Variants in CNBD1 observed in about 807,000 individuals in gnomAD.
The protein encoded by CNBD1 is cyclic nucleotide-binding domain-containing protein 1.
Under a neutral mutation model 54.4 loss-of-function variants are expected in CNBD1, and 71 were observed. The observed-to-expected ratio is 1.30, with a 90% confidence interval of 1.08 to 1.59. The LOEUF is 1.59. Ranked by LOEUF, CNBD1 falls within the 40% of genes most tolerant of loss-of-function variation. CNBD1 has a pLI of 0.00. For missense variants in CNBD1, 659 were observed against 518.0 expected, an observed-to-expected ratio of 1.27 and a Z score of -2.64; for synonymous variants, 182 against 170.7, an observed-to-expected ratio of 1.07 and a Z score of -0.51.
intron 6 of CNBD1, among the ~76,000 whole-genome samples, chr8:87,262,736 A>T (rs1808168470): frequency 6.6e-6 from 1 of 152,174 alleles, no homozygotes; most frequent in African/African-American, 2.4e-5. Context: ...ATGAAAATTT[A>T]CCGCTTAGGC....
intron 4 of CNBD1, among the ~76,000 whole-genome samples, chr8:87,137,562 G>A (rs949239911): frequency 3.9e-5 from 6 of 152,068 alleles, no homozygotes; most frequent in African/African-American, 1.4e-4. Context: ...TTATGTTAGT[G>A]TTTCCATGGG....
At chr8:87,134,594 CTTTTTTTT>C (rs1167232265) in intron 4 of CNBD1, among the ~76,000 whole-genome samples, 1 of 86,964 alleles carries the variant, frequency 1.1e-5, no homozygotes, top group Non-Finnish European at 2.4e-5. Flanking sequence ...ATTAGATTAC[CTTTTTTTT>C]TTTTTTTTTT....
At chr8:87,239,142 A>T (rs1335577807) in intron 6 of CNBD1, among the ~76,000 whole-genome samples, 1 of 152,160 alleles carries the variant, frequency 6.6e-6, no homozygotes, top group Admixed American at 6.5e-5. Flanking sequence ...GTTTAATAAA[A>T]TTTTTTGAAA....
In CNBD1 at chr8:87,402,383, G is replaced by A. The variant is rs573533699; in HGVS notation, c.214-26163G>A. Reference sequence around the variant, plus strand: ...TTTTCACTCTCACAAAAGAGCAGTAGTGAGCAATCAACTTAAGAAACTGCC... The same window carrying A: ...TTTTCACTCTCACAAAAGAGCAGTAATGAGCAATCAACTTAAGAAACTGCC... On this transcript the variant is annotated intron_variant, in intron 2 of 7. Transcript: ENST00000521593. 3.9e-5 allele frequency among the ~76,000 whole-genome samples: 6 copies of A among 152,164 alleles called. No homozygotes were observed. The South Asian group carries it at 1.2e-3, about 32-fold the overall frequency.
chr8:86,983,161 C>T (rs1808525982), intron 4 of CNBD1, among the ~76,000 whole-genome samples: 1 of 152,048 alleles, frequency 6.6e-6, no homozygotes, highest in Non-Finnish European at 1.5e-5. Flanking sequence ...TGGGGGCAGG[C>T]TTTTCCTGTG....
intron 4 of CNBD1, among the ~76,000 whole-genome samples, chr8:86,940,248 C>T (rs750699592): frequency 6.7e-6 from 1 of 148,290 alleles, no homozygotes; most frequent in Non-Finnish European, 1.5e-5. Context: ...CTCACTGCAA[C>T]CTCCGCCTCC....
intron 8 of CNBD1, among the ~76,000 whole-genome samples, chr8:87,291,059 T>C (rs144585734): frequency 6.6e-6 from 1 of 152,158 alleles, no homozygotes; most frequent in Non-Finnish European, 1.5e-5. Flanking sequence ...AGTTTTAAAG[T>C]TTTTCTTGTT....
intron 6 of CNBD1, among the ~76,000 whole-genome samples, chr8:87,276,894 C>A (rs1808491909): frequency 6.6e-6 from 1 of 151,492 alleles, no homozygotes; most frequent in African/African-American, 2.4e-5. Flanking sequence ...CACCATGAAT[C>A]TGAGTTTAGT....
chr8:87,050,674 C>T (rs555070554), intron 4 of CNBD1, among the ~76,000 whole-genome samples: 25 of 152,266 alleles, frequency 1.6e-4, no homozygotes, highest in African/African-American at 2.4e-5. Context: ...ACATTTAGAT[C>T]CCTCAGATAC....
rs71275894 is a variant in CNBD1, at chr8:86,925,482, AGTGTGTGT to A, written c.273-14077_273-14070del. Among the ~76,000 whole-genome samples, 881 of 141,784 alleles carry A rather than the reference AGTGTGTGT, an allele frequency of 6.2e-3. 9 individuals carry two copies. Among genetic ancestry groups the A allele is most frequent in the African/African-American group, 0.012 (439 of 37,360 alleles). 93.0% of individuals were successfully genotyped at this position (141,784 alleles called of 152,430 possible). A position where few individuals can be genotyped will look rare whatever the true frequency, so the allele number is the denominator to read the frequency against. On this transcript the variant is annotated intron_variant, in intron 3 of 10. Transcript: ENST00000518476. The stretch of plus-strand genomic sequence containing the variant: ...TAAAATATATACGGGCTTACCAAAA[AGTGTGTGT>A]GTGTGTGTGTGTGTGTGTGTGTGTG...
chr8:87,186,133 C>T (rs183046169), intron 4 of CNBD1, among the ~76,000 whole-genome samples: 23 of 152,016 alleles, frequency 1.5e-4, no homozygotes, highest in African/African-American at 3.4e-4. Flanking sequence ...CAGAAACCTA[C>T]GCCAAAATGT....
At chr8:87,287,833 T>A (rs1452762302) in intron 8 of CNBD1, among the ~76,000 whole-genome samples, 1 of 152,150 alleles carries the variant, frequency 6.6e-6, no homozygotes, top group African/African-American at 2.4e-5. Flanking sequence ...CAAATTTCCT[T>A]CTACTGCTTG....
intron 2 of CNBD1, among the ~76,000 whole-genome samples, chr8:86,893,774 A>G (rs1291641821): frequency 6.6e-6 from 1 of 152,300 alleles, no homozygotes; most frequent in East Asian, 1.9e-4. Flanking sequence ...CCCAGTAATT[A>G]AAGTATGAAA....
chr8:86,993,937 T>C (rs1808811076), intron 4 of CNBD1, among the ~76,000 whole-genome samples: 1 of 152,210 alleles, frequency 6.6e-6, no homozygotes, highest in South Asian at 2.1e-4. Flanking sequence ...GCTGTACCTG[T>C]GCACTTCCTT....
At chr8:87,217,968 G>C (rs1304091546) in intron 5 of CNBD1, among the ~76,000 whole-genome samples, 1 of 152,044 alleles carries the variant, frequency 6.6e-6, no homozygotes, top group Non-Finnish European at 1.5e-5. Context: ...AAGCTTGATG[G>C]TATATAACTT....
intron 8 of CNBD1, among the ~76,000 whole-genome samples, chr8:87,292,069 A>G (rs151151515): frequency 6.6e-6 from 1 of 152,280 alleles, no homozygotes; most frequent in East Asian, 1.9e-4. Flanking sequence ...TTTGGCATTA[A>G]TTCTCTCTGT....
intron 4 of CNBD1, among the ~76,000 whole-genome samples, chr8:86,961,074 A>C (rs1807916474): frequency 6.6e-6 from 1 of 152,222 alleles, no homozygotes; most frequent in Admixed American, 6.5e-5. Context: ...TTTTACCAAT[A>C]ATTTTAAAGC....
rs574008259 is a variant in CNBD1 at position 87,406,521 on chromosome 8, C to T, written c.214-22025C>T. Among the ~76,000 whole-genome samples, 9 of 148,334 alleles carry T rather than the reference C, an allele frequency of 6.1e-5. No individual in the cohort carries two copies. The East Asian group carries it at 1.8e-3, about 29-fold the overall frequency. ...TTGAGACAGAATCTGGCTCTGTCACCTAGGCTGGAGTTCAGTGGCACGATC... is the reference window on the plus strand; with the variant it reads ...TTGAGACAGAATCTGGCTCTGTCACTTAGGCTGGAGTTCAGTGGCACGATC... On this transcript the variant is annotated intron_variant, in intron 2 of 7. Transcript: ENST00000521593.
chr8:87,369,484 G>A lies in CNBD1; in HGVS notation c.1304-13136G>A, dbSNP rs1018634743. Reference sequence around the variant, plus strand: ...GTCTGAAGATCTTATTTCTCATACAGCAAATCTGCAGGTGACAAGTTCTCT... The same window carrying A: ...GTCTGAAGATCTTATTTCTCATACAACAAATCTGCAGGTGACAAGTTCTCT... On this transcript the variant is annotated intron_variant, in intron 10 of 10. Coordinates refer to ENST00000518476, the MANE Select transcript of CNBD1 (RefSeq NM_173538.3). 2.6e-5 allele frequency among the ~76,000 whole-genome samples: 4 copies of A among 152,086 alleles called. No homozygotes were observed. The East Asian group carries it at 7.8e-4, about 30-fold the overall frequency.
Sources: allele counts gnomAD v4.1 joint callset (sites outside exome capture counted in the v4.1 genomes callset), GRCh38; gene constraint gnomAD v4.1.1; transcripts MANE v1.5; gene names NCBI Gene and HGNC (gene_info 2026-07-23, HGNC 2026-07-21).